The following RIC3 variants were observed in gnomAD, a reference collection of about 807,000 sequenced individuals.
The protein encoded by RIC3 is RIC3 acetylcholine receptor chaperone.
In RIC3, 28 loss-of-function variants were observed where a neutral mutation model predicts 27.3. That is an observed-to-expected ratio of 1.02 (90% CI 0.76 to 1.41). The LOEUF (loss-of-function observed/expected upper bound fraction) is 1.41, where lower values mean the gene tolerates loss of function less well. Ranked by LOEUF, RIC3 falls within the 40% of genes most tolerant of loss-of-function variation. The probability of loss-of-function intolerance (pLI) is 0.00; values close to 1 mark genes in which losing one functional copy is unlikely to be tolerated. For missense variants in RIC3, 501 were observed against 444.7 expected (o/e 1.13, Z -1.14); for synonymous variants, 184 against 160.4 (o/e 1.15, Z -1.11).
At chr11:8,137,346 A>G in intron 4 of RIC3, 32 bp downstream of exon 4, 1 of 1,580,632 alleles carries the variant, frequency 6.3e-7, no homozygotes. Flanking sequence ...CTAAATGAGA[A>G]ATAGTCTGAG....
At chr11:8,116,022 C>T (rs1218497740) in intron 5 of RIC3, among the ~76,000 whole-genome samples, 1 of 152,158 alleles carries the variant, frequency 6.6e-6, no homozygotes, top group Non-Finnish European at 1.5e-5. Context: ...GTAATCAAAA[C>T]AGTATGTTAC....
intron 1 of RIC3, among the ~76,000 whole-genome samples, chr11:8,149,517 T>C (rs1229527532): frequency 6.6e-6 from 1 of 152,144 alleles, no homozygotes; most frequent in African/African-American, 2.4e-5. Flanking sequence ...CAGCAGAATA[T>C]AGGCTCTAAT....
intron 5 of RIC3, among the ~76,000 whole-genome samples, chr11:8,114,201 G>C (rs1945590593): frequency 6.6e-6 from 1 of 152,168 alleles, no homozygotes; most frequent in South Asian, 2.1e-4. Context: ...AAAAGTCCCT[G>C]CTTCTTCAAA....
the RIC3 span, among the ~76,000 whole-genome samples, chr11:8,099,227 C>T: frequency 3.9e-5 from 6 of 152,134 alleles, no homozygotes; most frequent in Admixed American, 2.6e-4. Flanking sequence ...ATGGATTACA[C>T]GGCACTTTGT....
In RIC3 at chr11:8,129,164, C is replaced by T. The variant is rs191029641; in HGVS notation, c.522-2357G>A. Among the ~76,000 whole-genome samples the T allele has an allele frequency of 1.1e-4, 17 of 151,380 alleles. No individual in the cohort carries two copies. The East Asian group carries it at 3.3e-3, about 30-fold the overall frequency. The stretch of plus-strand genomic sequence containing the variant: ...CCATAGACCATCCTCTGCTTGAAAC[C>T]TCCTCCTCCCTTAGCTATTGAGACA... On this transcript the variant is annotated intron_variant, in intron 4 of 5. Transcript: ENST00000309737.
intron 1 of RIC3, among the ~76,000 whole-genome samples, chr11:8,159,345 A>G (rs1156671831): frequency 6.6e-6 from 1 of 152,228 alleles, no homozygotes; most frequent in East Asian, 1.9e-4. Flanking sequence ...AAAGTGAGAC[A>G]GATAGAAAAG....
At chr11:8,165,352 C>T (rs948289375) in intron 1 of RIC3, among the ~76,000 whole-genome samples, 14 of 132,464 alleles carry the variant, frequency 1.1e-4, no homozygotes, top group African/African-American at 3.4e-4. Context: ...TATTATTCAG[C>T]CATAAAAAAA....
chr11:8,143,552 T>C (rs961535209), intron 1 of RIC3, among the ~76,000 whole-genome samples: 3 of 151,884 alleles, frequency 2.0e-5, no homozygotes, highest in African/African-American at 7.3e-5. Flanking sequence ...CGGAAGAACA[T>C]TCCATGCTCA....
the RIC3 span, among the ~76,000 whole-genome samples, chr11:8,093,634 T>G: frequency 1.3e-5 from 2 of 152,336 alleles, no homozygotes; most frequent in East Asian, 3.9e-4. Context: ...CCTGGAGTGC[T>G]TGCCCTGGTT....
chr11:8,102,038 C>A (rs535239907), downstream of RIC3: 37 of 192,220 alleles, frequency 1.9e-4, no homozygotes, highest in Non-Finnish European at 3.5e-4. Flanking sequence ...AATGGGTACT[C>A]CAGCAGGTAG....
At chr11:8,100,422 C>T in the RIC3 span, 1 of 1,086,644 alleles carries the variant, frequency 9.2e-7, no homozygotes, top group Non-Finnish European at 1.4e-6. Context: ...ACTAGCTCTT[C>T]CTCTTTATTC....
At chr11:8,117,043 C>T (rs940787111) in intron 5 of RIC3, among the ~76,000 whole-genome samples, 2 of 152,134 alleles carry the variant, frequency 1.3e-5, no homozygotes, top group Admixed American at 6.6e-5. Flanking sequence ...GAAAATGTGG[C>T]ACATATACAC....
chr11:8,097,309 A>G, the RIC3 span: 1 of 1,614,198 alleles, frequency 6.2e-7, no homozygotes, highest in Non-Finnish European at 8.5e-7. Context: ...GTTTGCACTG[A>G]GGCCGGCCCC....
chr11:8,151,055 C>T (rs1454706184), intron 1 of RIC3, among the ~76,000 whole-genome samples: 4 of 152,134 alleles, frequency 2.6e-5, no homozygotes, highest in Non-Finnish European at 5.9e-5. Flanking sequence ...AAAACATAGA[C>T]ATAAATCCTT....
intron 1 of RIC3, among the ~76,000 whole-genome samples, chr11:8,156,759 C>T (rs1950693267): frequency 6.6e-6 from 1 of 152,142 alleles, no homozygotes; most frequent in Non-Finnish European, 1.5e-5. Flanking sequence ...GCCCCCATGC[C>T]CCCGAAGCAT....
intron 1 of RIC3, among the ~76,000 whole-genome samples, chr11:8,164,376 A>G (rs1027134311): frequency 6.6e-6 from 1 of 152,232 alleles, no homozygotes; most frequent in African/African-American, 2.4e-5. Context: ...AAAGGGCACC[A>G]TCAAGAACGT....
rs758426508 is a variant in RIC3 at position 8,108,500 on chromosome 11, T to G, written c.*2198A>C. The G allele has an allele frequency of 1.3e-4, 20 of 152,202 alleles. No individual in the cohort carries two copies. Among genetic ancestry groups the G allele is most frequent in the Non-Finnish European group, 2.4e-4 (16 of 68,042 alleles). 9.4% of individuals were successfully genotyped at this position (152,202 alleles called of 1,614,324 possible). On this transcript the variant is annotated 3_prime_UTR_variant, in exon 6 of 6. Transcript: ENST00000309737. ...ATGTATGAGCTAGAACCAATGCTGT[T>G]TTACACACACTGATGATTTCATTTA...
intron 1 of RIC3, among the ~76,000 whole-genome samples, chr11:8,159,640 C>T (rs115761119): frequency 0.013 from 2,029 of 152,150 alleles, 52 homozygotes; most frequent in African/African-American, 0.047. Context: ...AGTGGTGGGA[C>T]TCTAAAAGCA....
chr11:8,100,362 T>TA, the RIC3 span: 1 of 675,552 alleles, frequency 1.5e-6, no homozygotes, highest in Non-Finnish European at 2.7e-6. Context: ...GTTCTGGCCG[T>TA]GTTAGGTTTA....
Sources: gnomAD v4.1 joint callset for allele counts (sites outside exome capture counted in the v4.1 genomes callset) on GRCh38, gnomAD v4.1.1 for gene constraint, MANE v1.5 for transcripts, NCBI Gene and HGNC (gene_info 2026-07-23, HGNC 2026-07-21) for gene names.